The following STOX2 variants were observed in gnomAD, a reference collection of about 807,000 sequenced individuals.
STOX2 encodes storkhead box 2.
A neutral mutation model predicts 60.9 loss-of-function variants in STOX2; 28 were observed. The observed-to-expected ratio is 0.46, with a 90% CI of 0.34 to 0.63. The LOEUF (loss-of-function observed/expected upper bound fraction) is 0.63. Ranked by LOEUF, STOX2 falls within the 30% of genes least tolerant of loss-of-function variation. The probability of loss-of-function intolerance (pLI) is 0.01; values close to 1 mark genes in which losing one functional copy is unlikely to be tolerated. For synonymous variants in STOX2, 472 were observed against 463.9 expected (o/e 1.02, Z -0.22); for missense variants, 1,024 against 1,187.7 (o/e 0.86, Z 2.03).
At chr4:183,877,689 C>G (rs1266390836) in intron 1 of STOX2, among the ~76,000 whole-genome samples, 2 of 152,014 alleles carry the variant, frequency 1.3e-5, no homozygotes, top group Non-Finnish European at 1.5e-5. Flanking sequence ...GCTGCTGCTG[C>G]TGTGTTTTTG....
At chr4:183,876,795 C>A (rs574787767) in intron 1 of STOX2, among the ~76,000 whole-genome samples, 18 of 152,236 alleles carry the variant, frequency 1.2e-4, no homozygotes, top group Non-Finnish European at 2.5e-4. Flanking sequence ...TCATGTAAAC[C>A]AGTGAAGTGG....
chr4:183,836,035 A>ATT lies in STOX2; in HGVS notation c.364+37990_364+37991dup, dbSNP rs548114655. 6.8e-6 allele frequency among the ~76,000 whole-genome samples: 1 copy of ATT among 146,604 alleles called. No individual in the cohort carries two copies. Among genetic ancestry groups the ATT allele is most frequent in the Non-Finnish European group, 1.5e-5 (1 of 66,308 alleles). On this transcript the variant is annotated intron_variant, in intron 1 of 2. Transcript: ENST00000513034. The surrounding 1 kb of genome is among the most constrained non-coding windows in gnomAD (Gnocchi z 4.1). Reference sequence around the variant, plus strand: ...ATCCTCACCAACACTTGTTACTGCCATTTTTTTTTTTATCTGAGCCATCCT... The same window carrying ATT: ...ATCCTCACCAACACTTGTTACTGCCATTTTTTTTTTTTTATCTGAGCCATCCT...
intron 1 of STOX2, among the ~76,000 whole-genome samples, chr4:183,828,415 T>G (rs1250268841): frequency 6.6e-6 from 1 of 152,186 alleles, no homozygotes; most frequent in Non-Finnish European, 1.5e-5. Flanking sequence ...TCAGTCATAT[T>G]CAGTCTAACA....
chr4:183,808,666 A>G (rs1388911428), intron 1 of STOX2, among the ~76,000 whole-genome samples: 1 of 152,248 alleles, frequency 6.6e-6, no homozygotes, highest in Non-Finnish European at 1.5e-5. Flanking sequence ...GTCTGTTCCC[A>G]GATAATAATG....
At chr4:183,866,120 A>G (rs1456752185) in intron 1 of STOX2, among the ~76,000 whole-genome samples, 1 of 152,106 alleles carries the variant, frequency 6.6e-6, no homozygotes, top group African/African-American at 2.4e-5. Context: ...TTTCAAAGTT[A>G]ATTTTAATTC....
chr4:183,914,367 G>T (rs1354041408), intron 1 of STOX2, among the ~76,000 whole-genome samples: 1 of 152,218 alleles, frequency 6.6e-6, no homozygotes, highest in Non-Finnish European at 1.5e-5. Flanking sequence ...AGCCTGGGGA[G>T]GTTGAGGCCT....
intron 1 of STOX2, among the ~76,000 whole-genome samples, chr4:183,812,567 T>C (rs1223224274): frequency 1.3e-5 from 2 of 152,260 alleles, no homozygotes; most frequent in Non-Finnish European, 2.9e-5. Flanking sequence ...CAGTTGTTTC[T>C]AAAGAGCAGC....
At chr4:183,943,794 T>C (rs954635433) in intron 1 of STOX2, among the ~76,000 whole-genome samples, 8 of 152,210 alleles carry the variant, frequency 5.3e-5, no homozygotes, top group African/African-American at 1.9e-4. Flanking sequence ...GAAGAATTGC[T>C]TGAATCCGGG....
intron 1 of STOX2, among the ~76,000 whole-genome samples, chr4:183,908,659 A>C (rs1741691751): frequency 6.7e-6 from 1 of 149,510 alleles, no homozygotes; most frequent in Admixed American, 6.7e-5. Flanking sequence ...TTCTTTGCAA[A>C]AGAACTTGTC....
At chr4:183,830,790 A>G (rs1173528988) in intron 1 of STOX2, among the ~76,000 whole-genome samples, 1 of 152,182 alleles carries the variant, frequency 6.6e-6, no homozygotes, top group African/African-American at 2.4e-5. Flanking sequence ...CAACAATAGG[A>G]CACTTGTTCC....
chr4:183,999,483 C>G (rs1415644748), intron 1 of STOX2, among the ~76,000 whole-genome samples: 5 of 152,146 alleles, frequency 3.3e-5, no homozygotes, highest in Non-Finnish European at 5.9e-5. Context: ...CTGTCTCCCT[C>G]TGGCCACTGG....
intron 1 of STOX2, among the ~76,000 whole-genome samples, chr4:183,861,974 C>G (rs1292300139): frequency 1.3e-5 from 2 of 152,148 alleles, no homozygotes; most frequent in Non-Finnish European, 2.9e-5. Flanking sequence ...ACGATTTCCC[C>G]TTCCCTTCTT....
intron 1 of STOX2, among the ~76,000 whole-genome samples, chr4:183,993,142 T>C (rs1363066064): frequency 6.6e-6 from 1 of 152,232 alleles, no homozygotes; most frequent in Non-Finnish European, 1.5e-5. Flanking sequence ...GATGGCCCCT[T>C]TCTGCCCGAT....
chr4:183,800,581 G>A (rs1035114094), intron 1 of STOX2, among the ~76,000 whole-genome samples: 1 of 152,174 alleles, frequency 6.6e-6, no homozygotes, highest in African/African-American at 2.4e-5. Flanking sequence ...CGGCCATAGA[G>A]CCAGACACAT....
chr4:183,821,212 T>C lies in STOX2; in HGVS notation c.364+23157T>C, dbSNP rs1039888775. Among the ~76,000 whole-genome samples, 1 of 152,238 alleles carries C rather than the reference T, an allele frequency of 6.6e-6. No homozygotes were observed. Among genetic ancestry groups the C allele is most frequent in the African/African-American group, 2.4e-5 (1 of 41,458 alleles). ...TGCCAATCTAATATAGCATAACGAC[T>C]TAATTTTGCTCTTGAATTGTACACA... is the stretch of plus-strand genomic sequence containing the variant. On this transcript the variant is annotated intron_variant, in intron 1 of 2. Coordinates refer to the STOX2 transcript ENST00000513034. This position sits in a 1 kb window ranked among gnomAD's most constrained non-coding sequence, Gnocchi z 4.2.
chr4:183,967,705 G>A (rs1743619681), intron 1 of STOX2, among the ~76,000 whole-genome samples: 1 of 152,212 alleles, frequency 6.6e-6, no homozygotes, highest in African/African-American at 2.4e-5. Flanking sequence ...CATGAAAATG[G>A]TGATAGTAGG....
rs370782237 is a variant in STOX2 at position 183,814,513 on chromosome 4, C to T, written c.364+16458C>T. On this transcript the variant is annotated intron_variant, in intron 1 of 2. Coordinates refer to the STOX2 transcript ENST00000513034. ...TCAGCCATGTTGAGTGATGGGACTG[C>T]ATCGGGACCAGGTCTGCCTGTGGGA... is the stretch of plus-strand genomic sequence containing the variant. 1.6e-4 allele frequency among the ~76,000 whole-genome samples: 24 copies of T among 152,324 alleles called. No homozygotes were observed. In the East Asian group the frequency reaches 3.7e-3, roughly 23 times the overall value.
intron 1 of STOX2, among the ~76,000 whole-genome samples, chr4:183,908,540 G>C (rs1048072687): frequency 6.7e-6 from 1 of 149,470 alleles, no homozygotes. Context: ...TCATTTCATC[G>C]ACAAACCTGC....
At chr4:183,911,375 G>A (rs995898780) in intron 1 of STOX2, among the ~76,000 whole-genome samples, 13 of 152,136 alleles carry the variant, frequency 8.5e-5, no homozygotes, top group African/African-American at 2.9e-4. Flanking sequence ...AATAAAGAGC[G>A]TCCTGTCACG....
Sources: allele counts gnomAD v4.1 joint callset (sites outside exome capture counted in the v4.1 genomes callset), GRCh38; gene constraint gnomAD v4.1.1; non-coding constraint Gnocchi (gnomAD v3.1); transcripts MANE v1.5; gene names NCBI Gene and HGNC (gene_info 2026-07-23, HGNC 2026-07-21).